The following MAMDC4 variants were observed in gnomAD, a reference collection of about 807,000 sequenced individuals.
The protein encoded by MAMDC4 is apical endosomal glycoprotein.
A neutral mutation model predicts 153.3 loss-of-function variants in MAMDC4; 168 were observed. That is an observed-to-expected ratio of 1.10 (90% confidence interval 0.97 to 1.25). MAMDC4 has a LOEUF of 1.25. MAMDC4 is among the 50% of genes most tolerant of loss of function. MAMDC4 has a pLI of 0.00. For missense variants in MAMDC4, 1,701 were observed against 1,542.8 expected, an observed-to-expected ratio of 1.10 and a Z score of -1.72; for synonymous variants, 744 against 651.5, an observed-to-expected ratio of 1.14 and a Z score of -2.16.
At chr9:136,856,854 G>C (rs1255378488) in intron 15 of MAMDC4, 28 bp downstream of exon 15, 1 of 1,612,308 alleles carries the variant, frequency 6.2e-7, no homozygotes, top group Non-Finnish European at 8.5e-7. Flanking sequence ...ACCGGGGGTG[G>C]CTTTCAGACG....
Position 136,853,851 on chromosome 9 carries a change from G to C in MAMDC4, c.529G>C (p.Gly177Arg), listed in dbSNP as rs1313687818. 2.5e-6 allele frequency: 4 copies of C among 1,612,538 alleles called. No homozygotes were observed. Among genetic ancestry groups the C allele is most frequent in the Non-Finnish European group, 3.4e-6 (4 of 1,179,832 alleles). Residue 177 changes from glycine (G) to arginine (R), a missense_variant, in exon 5 of 27, where the codon GGC (glycine) becomes CGC (arginine). Transcript: ENST00000317446. ...LTLWQSTGPW[G>R]PGWQELAVTT... is the part of the protein sequence containing the mutation. ...CCTGTGGCAGAGCACAGGGCCCTGG[G>C]GCCCTGGCTGGCAGGAGTTGGCAGT...
chr9:136,854,172 C>G (rs750222183), intron 6 of MAMDC4, 39 bp from the exon 7 acceptor site: 1 of 1,611,822 alleles, frequency 6.2e-7, no homozygotes, highest in South Asian at 1.1e-5. Flanking sequence ...CTCTCCCACT[C>G]CTGGGGCCTC....
At position 136,860,567 on chromosome 9, in the gene MAMDC4, T is replaced by C; in HGVS notation, c.3378T>C (p.Gly1126=). ...GCTCCTCTTCCTCCTCCTAGGATGG[T>C]GTCACCCTCCCGGCATCTGTCACCA... ...GFDNILFNAD[G]VTLPASVTSD... is the part of the protein sequence containing the mutation. Residue 1126 remains glycine, a synonymous_variant, in exon 27 of 27, where the codon GGT becomes GGC. Transcript: ENST00000317446. 1 of 1,612,470 alleles carries C rather than the reference T, an allele frequency of 6.2e-7. No individual in the cohort carries two copies. Among genetic ancestry groups the C allele is most frequent in the Non-Finnish European group, 8.5e-7 (1 of 1,179,788 alleles).
At chr9:136,860,188 C>A in intron 26 of MAMDC4, 124 bp downstream of exon 26, 1 of 1,127,398 alleles carries the variant, frequency 8.9e-7, no homozygotes, top group Non-Finnish European at 1.2e-6. Flanking sequence ...CCATCCTTGC[C>A]CTCCCTGCCC....
chr9:136,858,433 G>C lies in MAMDC4; in HGVS notation c.2708G>C (p.Trp903Ser). The C allele has an allele frequency of 6.2e-7, 1 of 1,605,542 alleles. No homozygotes were observed. The change falls in exon 22 of 27, where the codon TGG (tryptophan) becomes TCG (serine). Residue 903 changes from tryptophan (W) to serine (S), a missense_variant. By Grantham distance (177) the Trp-to-Ser change is radical (BLOSUM62 -3). Transcript: ENST00000317446. Reference sequence around the variant, plus strand: ...GATTTTGAGTCTGGCCTGTGTGGCTGGAGCCACCTGGCCTGGCCCGGCCTG... The same window carrying C: ...GATTTTGAGTCTGGCCTGTGTGGCTCGAGCCACCTGGCCTGGCCCGGCCTG... ...SCDFESGLCG[W>S]SHLAWPGLGG...
At chr9:136,856,847 G>C (rs548352953) in intron 15 of MAMDC4, 21 bp downstream of exon 15, 1 of 1,612,342 alleles carries the variant, frequency 6.2e-7, no homozygotes, top group African/African-American at 1.3e-5. Context: ...CGCTCAGACC[G>C]GGGGTGGCTT....
intron 1 of MAMDC4, among the ~76,000 whole-genome samples, 159 bp from the exon 2 acceptor site, chr9:136,852,943 G>A (rs531725518): frequency 6.6e-6 from 1 of 152,336 alleles, no homozygotes. Flanking sequence ...GAGCCGGGTG[G>A]GAGTTCTCTG....
rs1255465349 is a variant in MAMDC4 at position 136,856,903 on chromosome 9, G to C, written c.1838-4G>C. Reference sequence around the variant, plus strand: ...TCTGCAGCACAGCCCCATGCCCCCTGCAGGCCACTTTGTGCTCCTGGACCC... The same window carrying C: ...TCTGCAGCACAGCCCCATGCCCCCTCCAGGCCACTTTGTGCTCCTGGACCC... On this transcript the variant is annotated splice_region_variant and splice_polypyrimidine_tract_variant and intron_variant, in intron 15 of 26. Coordinates refer to ENST00000317446, the MANE Select transcript of MAMDC4 (RefSeq NM_206920.3). The C allele has an allele frequency of 3.1e-6, 5 of 1,609,550 alleles. No homozygotes were observed. Among genetic ancestry groups the C allele is most frequent in the Non-Finnish European group, 4.2e-6 (5 of 1,177,500 alleles).
chr9:136,854,242 C>T lies in MAMDC4; in HGVS notation c.702C>T (p.His234=), dbSNP rs140505007. The T allele has an allele frequency of 1.4e-5, 23 of 1,612,062 alleles. No homozygotes were observed. In the African/African-American group the frequency reaches 2.1e-4, roughly 15 times the overall value. Residue 234 remains histidine, a synonymous_variant, in exon 7 of 27, where the codon CAC becomes CAT. Transcript: ENST00000317446. ...AGGCCAACTGTCCCCCGGGACACCA[C>T]CACTGCCAGAACAAGGTCTGCGTGG... is the stretch of plus-strand genomic sequence containing the variant. The part of the protein sequence containing the change: ...TPQANCPPGH[H]HCQNKVCVEP...
chr9:136,852,520 C>G lies in MAMDC4; in HGVS notation c.46+58C>G, dbSNP rs192984515. On this transcript the variant is annotated intron_variant, in intron 1 of 26. Coordinates refer to ENST00000317446, the MANE Select transcript of MAMDC4 (RefSeq NM_206920.3). Reference sequence around the variant, plus strand: ...CCAGGGGCCCTGGCTTCTGAGCCTACCATCTGTGTGGCAGTGACGGACACC... The same window carrying G: ...CCAGGGGCCCTGGCTTCTGAGCCTAGCATCTGTGTGGCAGTGACGGACACC... 718 of 1,582,610 alleles carry G rather than the reference C, an allele frequency of 4.5e-4. 2 individuals carry two copies. In the African/African-American group the frequency reaches 8.9e-3, roughly 20 times the overall value.
In MAMDC4 at chr9:136,859,064, G is replaced by A. The variant is rs772140604; in HGVS notation, c.3016G>A (p.Ala1006Thr). 31 of 1,556,386 alleles carry A rather than the reference G, an allele frequency of 2.0e-5. No individual in the cohort carries two copies. Among genetic ancestry groups the A allele is most frequent in the East Asian group, 2.4e-5 (1 of 42,002 alleles). The change falls in exon 24 of 27, where the codon GCA becomes ACA. Residue 1006 changes from alanine to threonine, a missense_variant. By Grantham distance (58) the Ala-to-Thr change is moderately conservative. Coordinates refer to ENST00000317446, the MANE Select transcript of MAMDC4 (RefSeq NM_206920.3). ...SAQGQLAVWG[A>T]GGHRRHQWLE... ...TCAGGGCCAGCTGGCTGTGTGGGGC[G>A]CAGGCGGGCATCGGCGGCACCAGTG... is the stretch of plus-strand genomic sequence containing the variant.
At chr9:136,858,962 GCCCCAGGA>G (rs1004898943) in intron 23 of MAMDC4, 35 bp from the exon 24 acceptor site, 1 of 1,512,952 alleles carries the variant, frequency 6.6e-7, no homozygotes, top group African/African-American at 1.4e-5. Context: ...GCGTGCAGGA[GCCCCAGGA>G]CCCCAGGCCT....
rs1440452537 is a variant in MAMDC4 at position 136,853,150 on chromosome 9, G to A, written c.95G>A (p.Gly32Asp). 6.2e-7 allele frequency: 1 copy of A among 1,612,784 alleles called. No individual in the cohort carries two copies. Among genetic ancestry groups the A allele is most frequent in the African/African-American group, 1.3e-5 (1 of 75,064 alleles). ...AWVPNHCRSP[G>D]QAVCNFVCDC... is the part of the protein sequence containing the mutation. ...GTCCCCAACCACTGCAGGAGCCCTG[G>A]CCAGGCCGTGTGCAACTTCGTGTGT... Residue 32 changes from glycine (G) to aspartate (D), a missense_variant, in exon 2 of 27, where the codon GGC becomes GAC. By Grantham distance (94) the Gly-to-Asp change is moderately conservative (BLOSUM62 -1). Coordinates refer to ENST00000317446, the MANE Select transcript of MAMDC4 (RefSeq NM_206920.3).
intron 26 of MAMDC4, 123 bp from the exon 27 acceptor site, chr9:136,860,439 T>G: frequency 9.5e-7 from 1 of 1,053,160 alleles, no homozygotes; most frequent in Non-Finnish European, 1.4e-6. Flanking sequence ...GAGAATCGCT[T>G]GAACCAGGGA....
Position 136,859,007 on chromosome 9 carries a change from A to C in MAMDC4, c.2959A>C (p.Lys987Gln), listed in dbSNP as rs1219178111. ...YHMGFPEHFYKGELKVLLHSA... is the reference protein window; with the variant it reads ...YHMGFPEHFYQGELKVLLHSA... ...ACACGCCCTGGCCCTGCTCTCAGAC[A>C]AGGGGGAGCTGAAGGTACTGCTGCA... Residue 987 changes from lysine to glutamine, a missense_variant and splice_region_variant, in exon 24 of 27, where the codon AAG becomes CAG. Physicochemically the swap from Lys to Gln is moderately conservative, Grantham distance 53. Coordinates refer to ENST00000317446, the MANE Select transcript of MAMDC4 (RefSeq NM_206920.3). The C allele has an allele frequency of 6.6e-7, 1 of 1,523,684 alleles. No individual in the cohort carries two copies. The highest frequency in any genetic ancestry group is 2.4e-5 in the East Asian group (1 of 41,898). 94.4% of individuals were successfully genotyped at this position (1,523,684 alleles called of 1,614,324 possible).
rs747468146 is a variant in MAMDC4 at position 136,852,366 on chromosome 9, C to G, written c.-51C>G. On this transcript the variant is annotated 5_prime_UTR_variant, in exon 1 of 27. Coordinates refer to ENST00000317446, the MANE Select transcript of MAMDC4 (RefSeq NM_206920.3). ...GGGCCAGCGCAGGCTGATAACCGCA[C>G]GGAACTTCCCAGGCACCCTGTGTGG... 5 of 1,601,552 alleles carry G rather than the reference C, an allele frequency of 3.1e-6. No homozygotes were observed. In the East Asian group the frequency reaches 6.7e-5, roughly 21 times the overall value.
rs765707408 is a variant in MAMDC4, at chr9:136,853,157, C to G, written c.102C>G (p.Ala34=). ...ACCACTGCAGGAGCCCTGGCCAGGC[C>G]GTGTGCAACTTCGTGTGTGACTGCA... ...VPNHCRSPGQ[A]VCNFVCDCRD... The change falls in exon 2 of 27, where the codon GCC becomes GCG. Residue 34 remains alanine, a synonymous_variant. Transcript: ENST00000317446. 2 of 1,612,820 alleles carry G rather than the reference C, an allele frequency of 1.2e-6. No individual in the cohort carries two copies. Among genetic ancestry groups the G allele is most frequent in the Non-Finnish European group, 1.7e-6 (2 of 1,179,974 alleles).
chr9:136,857,585 A>C lies in MAMDC4; in HGVS notation c.2325A>C (p.Gln775His), dbSNP rs781294949. 5 of 1,612,556 alleles carry C rather than the reference A, an allele frequency of 3.1e-6. No homozygotes were observed. The Admixed American group carries it at 8.3e-5, about 27-fold the overall frequency. The change falls in exon 18 of 27, where the codon CAA becomes CAC. Residue 775 changes from glutamine (Q) to histidine (H), a missense_variant and splice_region_variant. By Grantham distance (24) the Gln-to-His change is conservative (BLOSUM62 0). Coordinates refer to ENST00000317446, the MANE Select transcript of MAMDC4 (RefSeq NM_206920.3). ...PPTDHTTETAQGHYMVVDTSP... is the reference protein window; with the variant it reads ...PPTDHTTETAHGHYMVVDTSP... ...CAGACCATACCACTGAGACAGCCCA[A>C]GGTATGGGGGCCTGGCAGGGGCAGG...
Position 136,855,580 on chromosome 9 carries a change from G to T in MAMDC4, c.1432G>T (p.Glu478Ter), listed in dbSNP as rs745317494. The change falls in exon 12 of 27, where the codon GAG (glutamate) becomes TAG (stop). Residue 478 changes from glutamate to a stop codon, truncating the protein, a stop_gained. Coordinates refer to ENST00000317446, the MANE Select transcript of MAMDC4 (RefSeq NM_206920.3). LOFTEE classifies it high-confidence loss of function. ...GCCCCCGGAACAACTGTGTGACTTC[G>T]AGGAGCAGTGCGCAGGGGGCGAGGA... is the stretch of plus-strand genomic sequence containing the variant. ...CVPPEQLCDF[E>*]EQCAGGEDEQ... 6.3e-7 allele frequency: 1 copy of T among 1,590,446 alleles called. No individual in the cohort carries two copies. Among genetic ancestry groups the T allele is most frequent in the African/African-American group, 1.3e-5 (1 of 74,706 alleles).
Sources: allele counts gnomAD v4.1 joint callset (sites outside exome capture counted in the v4.1 genomes callset), GRCh38; gene constraint gnomAD v4.1.1; transcripts MANE v1.5; gene names NCBI Gene and HGNC (gene_info 2026-07-23, HGNC 2026-07-21).